DLG2: variants seen among roughly 807,000 people sequenced by gnomAD.
DLG2 encodes disks large homolog 2.
In DLG2, 45 loss-of-function variants were observed where a neutral mutation model predicts 132.5. The ratio of observed to expected loss-of-function variants is 0.34; its 90% CI spans 0.27 to 0.44. DLG2 has a LOEUF of 0.44. Ranked by LOEUF, DLG2 falls within the 20% of genes least tolerant of loss-of-function variation. DLG2 has a pLI of 1.00. For synonymous variants in DLG2, 424 were observed against 419.6 expected (o/e 1.01, Z -0.13); for missense variants, 1,045 against 1,196.9 (o/e 0.87, Z 1.87).
intron 2 of DLG2, among the ~76,000 whole-genome samples, chr11:85,610,861 G>C (rs1565759068): frequency 6.6e-6 from 1 of 152,158 alleles, no homozygotes; most frequent in Non-Finnish European, 1.5e-5. Flanking sequence ...CAGTTGCAGG[G>C]GTTCCTTGGA....
At chr11:84,846,539 T>A (rs1010679569) in intron 6 of DLG2, among the ~76,000 whole-genome samples, 6 of 152,156 alleles carry the variant, frequency 3.9e-5, no homozygotes, top group African/African-American at 1.4e-4. Context: ...TCACCTGTGA[T>A]ACATCAAAAA....
chr11:84,402,881 C>CAAAAAA lies in DLG2; in HGVS notation c.519+131683_519+131688dup, dbSNP rs34476380. On this transcript the variant is annotated intron_variant, in intron 7 of 27. Coordinates refer to ENST00000376104, the MANE Select transcript of DLG2 (RefSeq NM_001142699.3). ...TGGGCGACAGAGCGAAACTCCGTCTCAAAAAAAAAAAAAAAAAAAATTAAC... is the reference window on the plus strand; with the variant it reads ...TGGGCGACAGAGCGAAACTCCGTCTCAAAAAAAAAAAAAAAAAAAAAAAAAATTAAC... 8.7e-4 allele frequency among the ~76,000 whole-genome samples: 64 copies of CAAAAAA among 73,868 alleles called. 12 individuals carry two copies. Among genetic ancestry groups the CAAAAAA allele is most frequent in the African/African-American group, 5.2e-3 (50 of 9,544 alleles). 48.5% of individuals were successfully genotyped at this position (73,868 alleles called of 152,430 possible). A position where few individuals can be genotyped will look rare whatever the true frequency, so the allele number is the denominator to read the frequency against.
intron 7 of DLG2, among the ~76,000 whole-genome samples, chr11:84,303,671 A>T (rs185465125): frequency 3.9e-5 from 6 of 152,300 alleles, no homozygotes; most frequent in Non-Finnish European, 7.4e-5. Context: ...ATGGAATCTA[A>T]TTTCTAACCA....
rs189081280 is a variant in DLG2 at position 85,363,950 on chromosome 11, G to T, written c.41-78585C>A. ...TGATTGGTTCATAGGATTAAAGTGG[G>T]TCTAGTCTTTTCCAGTCTTAAAACA... On this transcript the variant is annotated intron_variant, in intron 3 of 27. Coordinates refer to ENST00000376104, the MANE Select transcript of DLG2 (RefSeq NM_001142699.3). 1.9e-3 allele frequency among the ~76,000 whole-genome samples: 287 copies of T among 152,208 alleles called. 1 individual carries two copies. Among genetic ancestry groups the T allele is most frequent in the Non-Finnish European group, 2.7e-3 (184 of 67,998 alleles).
intron 11 of DLG2, among the ~76,000 whole-genome samples, chr11:84,037,055 T>C (rs1023475463): frequency 6.6e-6 from 1 of 152,126 alleles, no homozygotes; most frequent in Non-Finnish European, 1.5e-5. Context: ...GAAATACATA[T>C]GACAGATAAG....
At chr11:84,813,722 T>C (rs985945361) in intron 6 of DLG2, among the ~76,000 whole-genome samples, 2 of 152,062 alleles carry the variant, frequency 1.3e-5, no homozygotes, top group Non-Finnish European at 2.9e-5. Flanking sequence ...ACTGGCTCCA[T>C]CCATGGTTCT....
intron 7 of DLG2, among the ~76,000 whole-genome samples, chr11:84,285,795 T>A (rs907086368): frequency 6.6e-6 from 1 of 152,238 alleles, no homozygotes; most frequent in Admixed American, 6.5e-5. Flanking sequence ...TTACATTACA[T>A]ACCTGAATTA....
chr11:84,714,655 C>T lies in DLG2; in HGVS notation c.358-179924G>A, dbSNP rs916550290. On this transcript the variant is annotated intron_variant, in intron 6 of 27. Transcript: ENST00000376104. ...TCTCTCTCTCTCTCTCTTTCTCTCT[C>T]TCTCTCTCTCTCTCTCTCTGCCTCC... Among the ~76,000 whole-genome samples the T allele has an allele frequency of 9.5e-5, 14 of 146,642 alleles. 1 individual carries two copies. Among genetic ancestry groups the T allele is most frequent in the Admixed American group, 2.7e-4 (4 of 14,686 alleles).
At position 84,153,562 on chromosome 11, in the gene DLG2, T is replaced by G. The variant is rs2095356679; in HGVS notation, c.624+9899A>C. 2.0e-5 allele frequency among the ~76,000 whole-genome samples: 3 copies of G among 152,220 alleles called. No individual in the cohort carries two copies. The South Asian group carries it at 6.2e-4, about 32-fold the overall frequency. ...TAAAAAAAAATATTTTTTCTTTATT[T>G]TTGTCTGACTGTGTTGATTCAAAAG... is the stretch of plus-strand genomic sequence containing the variant. On this transcript the variant is annotated intron_variant, in intron 9 of 27. Coordinates refer to ENST00000376104, the MANE Select transcript of DLG2 (RefSeq NM_001142699.3).
chr11:85,625,721 A>G (rs2081994256), intron 2 of DLG2, among the ~76,000 whole-genome samples: 1 of 152,252 alleles, frequency 6.6e-6, no homozygotes, highest in South Asian at 2.1e-4. Context: ...TTAGTCCAGT[A>G]TAGCAGAGTT....
At chr11:83,674,622 T>C (rs2077383691) in intron 18 of DLG2, among the ~76,000 whole-genome samples, 1 of 152,250 alleles carries the variant, frequency 6.6e-6, no homozygotes, top group South Asian at 2.1e-4. Context: ...CTGTCTAATC[T>C]GAAGAGGAAG....
chr11:84,934,689 T>C (rs2048535468), intron 6 of DLG2, among the ~76,000 whole-genome samples: 1 of 151,834 alleles, frequency 6.6e-6, no homozygotes, highest in African/African-American at 2.4e-5. Flanking sequence ...ACATACGCCC[T>C]TCCAAGATTG....
intron 9 of DLG2, among the ~76,000 whole-genome samples, chr11:84,140,428 A>G (rs762340550): frequency 5.9e-5 from 9 of 152,162 alleles, no homozygotes; most frequent in Non-Finnish European, 8.8e-5. Context: ...GCATACAACT[A>G]AGCATCTCAT....
chr11:83,602,353 C>T lies in DLG2; in HGVS notation c.1940+30858G>A, dbSNP rs527328055. On this transcript the variant is annotated intron_variant, in intron 19 of 27. Coordinates refer to ENST00000376104, the MANE Select transcript of DLG2 (RefSeq NM_001142699.3). ...GATTAGTCATCTGAGTCATTATTTT[C>T]CAGCAAATTACAGCACCATGCCGGC... 1.3e-4 allele frequency among the ~76,000 whole-genome samples: 20 copies of T among 152,342 alleles called. No homozygotes were observed. In the South Asian group the frequency reaches 4.1e-3, roughly 32 times the overall value.
chr11:83,956,351 C>G (rs2086832629), intron 14 of DLG2, among the ~76,000 whole-genome samples: 1 of 152,196 alleles, frequency 6.6e-6, no homozygotes, highest in Admixed American at 6.5e-5. Context: ...AACTGAGCTG[C>G]TAACATACTG....
chr11:84,847,335 C>A (rs1027732292), intron 6 of DLG2, among the ~76,000 whole-genome samples: 1 of 152,122 alleles, frequency 6.6e-6, no homozygotes, highest in African/African-American at 2.4e-5. Flanking sequence ...GACATTATCT[C>A]TTGCATTAAC....
chr11:83,736,785 C>T (rs892837299), intron 18 of DLG2, among the ~76,000 whole-genome samples: 1 of 152,116 alleles, frequency 6.6e-6, no homozygotes, highest in African/African-American at 2.4e-5. Flanking sequence ...CTTTGATCAG[C>T]TCATAATGCA....
chr11:84,186,202 A>C (rs113714976), intron 8 of DLG2, among the ~76,000 whole-genome samples: 2 of 152,262 alleles, frequency 1.3e-5, no homozygotes, highest in African/African-American at 4.8e-5. Context: ...GTGTAAATGA[A>C]TGTTTTTCAT....
At chr11:84,906,440 G>C (rs1365263789) in intron 6 of DLG2, among the ~76,000 whole-genome samples, 5 of 150,638 alleles carry the variant, frequency 3.3e-5, no homozygotes, top group Non-Finnish European at 7.4e-5. Flanking sequence ...GCAATAATTA[G>C]TGTGCTTTAA....
Sources: allele counts gnomAD v4.1 joint callset (sites outside exome capture counted in the v4.1 genomes callset), GRCh38; gene constraint gnomAD v4.1.1; transcripts MANE v1.5; gene names NCBI Gene and HGNC (gene_info 2026-07-23, HGNC 2026-07-21).